The following SLC4A2 variants were observed in gnomAD, a reference collection of about 807,000 sequenced individuals.
SLC4A2 encodes solute carrier family 4 member 2.
In SLC4A2, 36 loss-of-function variants were observed where a neutral mutation model predicts 115.0. The observed-to-expected ratio is 0.31, with a 90% confidence interval of 0.24 to 0.41. The LOEUF (loss-of-function observed/expected upper bound fraction) is 0.41, where lower values mean the gene tolerates loss of function less well. Among genes scored for constraint, SLC4A2 ranks in the 10% least tolerant of loss-of-function variants. The pLI, the probability that SLC4A2 is intolerant of heterozygous loss-of-function variation, is 1.00. For synonymous variants in SLC4A2, 708 were observed against 708.3 expected, an observed-to-expected ratio of 1.00 and a Z score of 0.01; for missense variants, 1,252 against 1,705.6, an observed-to-expected ratio of 0.73 and a Z score of 4.68.
chr7:151,064,995 C>T (rs1797184346), intron 5 of SLC4A2, 29 bp downstream of exon 5: 2 of 1,359,972 alleles, frequency 1.5e-6, no homozygotes, highest in South Asian at 2.3e-5. Flanking sequence ...ACAGTGTCCC[C>T]AACAGACACT....
intron 5 of SLC4A2, among the ~76,000 whole-genome samples, chr7:151,065,846 G>A (rs1210206802): frequency 6.6e-6 from 1 of 152,140 alleles, no homozygotes; most frequent in Non-Finnish European, 1.5e-5. Context: ...CTCTGATGTT[G>A]AGTCAGAGCT....
chr7:151,075,564 AG>A, intron 20 of SLC4A2, 41 bp from the exon 21 acceptor site: 1 of 1,586,582 alleles, frequency 6.3e-7, no homozygotes. Flanking sequence ...TACTGGGGCC[AG>A]GGGACCCCGG....
chr7:151,063,083 T>A, intron 2 of SLC4A2: 1 of 1,515,740 alleles, frequency 6.6e-7, no homozygotes, highest in South Asian at 1.2e-5. Flanking sequence ...GGACCAAGGC[T>A]GCCTGGCCAG....
intron 2 of SLC4A2, chr7:151,062,941 T>C (rs921066389): frequency 7.1e-7 from 1 of 1,403,704 alleles, no homozygotes; most frequent in African/African-American, 1.5e-5. Flanking sequence ...TTCCTTGTTC[T>C]GGCTGCTGGC....
At position 151,070,450 on chromosome 7, in the gene SLC4A2, C is replaced by T. The variant is rs750685913; in HGVS notation, c.1450-7C>T. Reference sequence around the variant, plus strand: ...TGGCTGGGCTGAGCCCTGTCTGTGTCCCCCAGCGTGAGCTGCCGCCTCCAG... The same window carrying T: ...TGGCTGGGCTGAGCCCTGTCTGTGTTCCCCAGCGTGAGCTGCCGCCTCCAG... On this transcript the variant is annotated splice_polypyrimidine_tract_variant and splice_region_variant and intron_variant, in intron 10 of 22. Transcript: ENST00000413384. The T allele has an allele frequency of 1.9e-6, 3 of 1,611,352 alleles. No homozygotes were observed. The highest frequency in any genetic ancestry group is 1.3e-5 in the African/African-American group (1 of 74,972).
At chr7:151,075,024 A>G (rs1439926622) in intron 19 of SLC4A2, 183 bp downstream of exon 19, 2 of 871,966 alleles carry the variant, frequency 2.3e-6, no homozygotes, top group South Asian at 1.6e-5. Context: ...GGACAGGAAC[A>G]GCACGTGGAG....
intron 5 of SLC4A2, among the ~76,000 whole-genome samples, chr7:151,066,296 C>T (rs939347872): frequency 4.5e-4 from 68 of 152,348 alleles, no homozygotes; most frequent in African/African-American, 1.4e-3. Context: ...TCGGGGTGAC[C>T]GTTTGGGGCT....
Position 151,074,184 on chromosome 7 carries a change from C to T in SLC4A2, c.2681C>T (p.Pro894Leu). Residue 894 changes from proline (P) to leucine (L), a missense_variant, in exon 17 of 23, where the codon CCC becomes CTC. Coordinates refer to ENST00000413384, the MANE Select transcript of SLC4A2 (RefSeq NM_003040.4). ...SLAGQSGQGKPRGQPNTALLS... is the reference protein window; with the variant it reads ...SLAGQSGQGKLRGQPNTALLS... ...GCTGGGCAGTCTGGGCAGGGGAAGCCCCGGGGCCAGCCCAACACGGCCCTG... is the reference window on the plus strand; with the variant it reads ...GCTGGGCAGTCTGGGCAGGGGAAGCTCCGGGGCCAGCCCAACACGGCCCTG... 1 of 1,612,980 alleles carries T rather than the reference C, an allele frequency of 6.2e-7. No homozygotes were observed. Among genetic ancestry groups the T allele is most frequent in the Non-Finnish European group, 8.5e-7 (1 of 1,179,990 alleles).
intron 2 of SLC4A2, 60 bp from the exon 3 acceptor site, chr7:151,064,142 G>A: frequency 6.4e-7 from 1 of 1,568,146 alleles, no homozygotes; most frequent in Non-Finnish European, 8.7e-7. Flanking sequence ...GAAGGGTGAG[G>A]TTTCGGGGTA....
rs755664682 is a variant in SLC4A2, at chr7:151,074,852, C to T, written c.3047+11C>T. 8 of 1,593,576 alleles carry T rather than the reference C, an allele frequency of 5.0e-6. No homozygotes were observed. Among genetic ancestry groups the T allele is most frequent in the Non-Finnish European group, 6.8e-6 (8 of 1,169,958 alleles). On this transcript the variant is annotated intron_variant, in intron 19 of 22. Transcript: ENST00000413384. Reference sequence around the variant, plus strand: ...GACACAGATCACCACGTGAGTGGTCCTAGCCAAAGGGGTGTGAGAGGCCAG... The same window carrying T: ...GACACAGATCACCACGTGAGTGGTCTTAGCCAAAGGGGTGTGAGAGGCCAG...
In SLC4A2 at chr7:151,075,396, T is replaced by G. The variant is rs774287141; in HGVS notation, c.3189T>G (p.Thr1063=). ...CTGCTGCCACTGTCCGCTCTGTCAC[T>G]CACGCCAACGCGCTCACTGTCATGA... ...WLAAATVRSV[T]HANALTVMSK... The change falls in exon 20 of 23, where the codon ACT becomes ACG. Residue 1063 remains threonine (T), a synonymous_variant. Transcript: ENST00000413384. 16 of 1,610,312 alleles carry G rather than the reference T, an allele frequency of 9.9e-6. No individual in the cohort carries two copies. Among genetic ancestry groups the G allele is most frequent in the Non-Finnish European group, 1.4e-5 (16 of 1,180,030 alleles).
In SLC4A2 at chr7:151,075,688, C is replaced by T. The variant is rs747676831; in HGVS notation, c.3384C>T (p.Thr1128=). The change falls in exon 21 of 23, where the codon ACC becomes ACT. Residue 1128 remains threonine (T), a synonymous_variant. Transcript: ENST00000413384. ...GAATTTTCCTGTACATGGGAGTCAC[C>T]TCCCTTAACGGGATCCAGTTCTATG... The part of the protein sequence containing the change: ...LFGIFLYMGV[T]SLNGIQFYER... The T allele has an allele frequency of 5.5e-5, 89 of 1,612,180 alleles. No individual in the cohort carries two copies. Among genetic ancestry groups the T allele is most frequent in the Non-Finnish European group, 7.0e-5 (82 of 1,179,072 alleles).
chr7:151,064,405 C>A, intron 3 of SLC4A2, 38 bp downstream of exon 3: 1 of 1,524,282 alleles, frequency 6.6e-7, no homozygotes, highest in Non-Finnish European at 8.9e-7. Context: ...GTGGGGGGAT[C>A]AGGTTTGACT....
In SLC4A2 at chr7:151,070,355, A is replaced by G. The variant is rs754776583; in HGVS notation, c.1449+9A>G. 6.2e-7 allele frequency: 1 copy of G among 1,609,328 alleles called. No individual in the cohort carries two copies. Among genetic ancestry groups the G allele is most frequent in the African/African-American group, 1.3e-5 (1 of 74,752 alleles). ...TGGAGGTGGAGCGAGAGGTGAGGGG[A>G]GAACCAGCCCTGCCTGGGCTGGCGG... is the stretch of plus-strand genomic sequence containing the variant. On this transcript the variant is annotated intron_variant, in intron 10 of 22. Transcript: ENST00000413384.
intron 19 of SLC4A2, 162 bp downstream of exon 19, chr7:151,075,003 G>C: frequency 2.2e-6 from 2 of 891,376 alleles, no homozygotes; most frequent in East Asian, 2.6e-5. Flanking sequence ...GAAAAACCCC[G>C]ATGTTTGCTG....
At chr7:151,070,945 T>C in intron 12 of SLC4A2, 34 bp downstream of exon 12, 1 of 1,606,536 alleles carries the variant, frequency 6.2e-7, no homozygotes, top group Non-Finnish European at 8.5e-7. Flanking sequence ...CCCTGCTTCC[T>C]GGAGCCCATC....
At chr7:151,062,789 G>T in intron 2 of SLC4A2, 1 of 1,368,378 alleles carries the variant, frequency 7.3e-7, no homozygotes, top group Non-Finnish European at 9.4e-7. Flanking sequence ...CCAGGAGATG[G>T]ACAGGAGCCT....
Position 151,064,937 on chromosome 7 carries a change from T to G in SLC4A2, c.549T>G (p.Thr183=), listed in dbSNP as rs758771404. The stretch of plus-strand genomic sequence containing the variant: ...CACCACTGCCCCACCAGGAGGCGAC[T>G]CCTCGGGCCTCCAAAGGGGCCCAGG... ...SPAPLPHQEA[T]PRASKGAQAG... is the part of the protein sequence containing the mutation. Residue 183 remains threonine (T), a synonymous_variant, in exon 5 of 23, where the codon ACT becomes ACG. Coordinates refer to ENST00000413384, the MANE Select transcript of SLC4A2 (RefSeq NM_003040.4). 2 of 1,613,588 alleles carry G rather than the reference T, an allele frequency of 1.2e-6. No individual in the cohort carries two copies. The highest frequency in any genetic ancestry group is 1.7e-5 in the Admixed American group (1 of 60,000).
chr7:151,058,283 T>A (rs1796948899), upstream of SLC4A2: 3 of 236,824 alleles, frequency 1.3e-5, 1 homozygote, highest in South Asian at 1.7e-4. Flanking sequence ...GGCGGAGCGC[T>A]CTCGGTTAGG....
Sources: gnomAD v4.1 joint callset for allele counts (sites outside exome capture counted in the v4.1 genomes callset) on GRCh38, gnomAD v4.1.1 for gene constraint, MANE v1.5 for transcripts, NCBI Gene and HGNC (gene_info 2026-07-23, HGNC 2026-07-21) for gene names.